Variants in PHF21A observed in about 807,000 individuals in gnomAD.
PHF21A encodes PHD finger protein 21A.
A neutral mutation model predicts 82.5 loss-of-function variants in PHF21A; 11 were observed. The ratio of observed to expected loss-of-function variants is 0.13; its 90% CI spans 0.08 to 0.22. The LOEUF (loss-of-function observed/expected upper bound fraction) is 0.22. Ranked by LOEUF, PHF21A falls within the 10% of genes least tolerant of loss-of-function variation. PHF21A has a pLI of 1.00. For synonymous variants in PHF21A, 297 were observed against 302.8 expected (o/e 0.98, Z 0.20); for missense variants, 579 against 837.8 (o/e 0.69, Z 3.81).
chr11:45,985,079 A>C (rs1337307991), intron 6 of PHF21A, among the ~76,000 whole-genome samples: 1 of 152,208 alleles, frequency 6.6e-6, no homozygotes, highest in African/African-American at 2.4e-5. Flanking sequence ...CTCAAAATGA[A>C]ACCAAGGATA....
At chr11:46,079,060 A>T in intron 5 of PHF21A, 74 bp downstream of exon 5, 1 of 868,564 alleles carries the variant, frequency 1.2e-6, no homozygotes, top group South Asian at 1.7e-5. Context: ...ATCTATATTT[A>T]AGTATTTTAT....
intron 9 of PHF21A, among the ~76,000 whole-genome samples, chr11:45,967,500 T>C (rs987626770): frequency 5.3e-5 from 8 of 152,162 alleles, no homozygotes; most frequent in Non-Finnish European, 1.0e-4. Context: ...CTTGAAGCCA[T>C]GCCTATGTAG....
intron 6 of PHF21A, among the ~76,000 whole-genome samples, chr11:46,041,902 T>C (rs1422599977): frequency 1.3e-5 from 2 of 152,144 alleles, no homozygotes; most frequent in African/African-American, 4.8e-5. Flanking sequence ...TCTTGTGTCT[T>C]ATAGTAAAGA....
At chr11:46,084,069 ATT>A (rs2096826773) in intron 4 of PHF21A, 95 bp downstream of exon 4, 1 of 895,136 alleles carries the variant, frequency 1.1e-6, no homozygotes, top group African/African-American at 1.8e-5. Flanking sequence ...TGTCTTAAAG[ATT>A]ATTAAAAACT....
At chr11:45,988,766 T>C (rs1402383340) in intron 6 of PHF21A, among the ~76,000 whole-genome samples, 1 of 151,986 alleles carries the variant, frequency 6.6e-6, no homozygotes, top group Non-Finnish European at 1.5e-5. Context: ...GGTGGCACAA[T>C]TGTAGTCCCA....
intron 6 of PHF21A, among the ~76,000 whole-genome samples, chr11:46,057,043 A>C (rs1372826566): frequency 1.3e-5 from 2 of 152,168 alleles, no homozygotes; most frequent in Non-Finnish European, 2.9e-5. Flanking sequence ...TTAAAATGTT[A>C]GCACACAAAA....
chr11:46,070,449 G>C (rs2096643817), intron 6 of PHF21A, among the ~76,000 whole-genome samples: 1 of 151,944 alleles, frequency 6.6e-6, no homozygotes, highest in Non-Finnish European at 1.5e-5. Context: ...TCCCGCCTCA[G>C]CCTCCTGAGC....
At chr11:45,969,790 T>G in intron 9 of PHF21A, 25 bp downstream of exon 9, 2 of 1,489,174 alleles carry the variant, frequency 1.3e-6, no homozygotes, top group Non-Finnish European at 1.9e-6. Flanking sequence ...TAACCTATCA[T>G]TGAGCTTGTC....
At chr11:46,080,598 C>T (rs2096779395) in intron 4 of PHF21A, among the ~76,000 whole-genome samples, 2 of 152,084 alleles carry the variant, frequency 1.3e-5, no homozygotes, top group African/African-American at 4.8e-5. Flanking sequence ...TTCTTAAATC[C>T]ACATTGTAGT....
intron 6 of PHF21A, among the ~76,000 whole-genome samples, chr11:46,051,503 C>T (rs1215414649): frequency 1.3e-5 from 2 of 152,072 alleles, no homozygotes; most frequent in Admixed American, 6.6e-5. Context: ...TCTGGGGCCT[C>T]GAGAGATAAA....
At chr11:46,010,246 C>T (rs2137334992) in intron 6 of PHF21A, among the ~76,000 whole-genome samples, 1 of 152,302 alleles carries the variant, frequency 6.6e-6, no homozygotes, top group Non-Finnish European at 1.5e-5. Flanking sequence ...GATTAAGTCA[C>T]CTGAGACCAG....
At chr11:46,079,229 G>C in intron 4 of PHF21A, 63 bp from the exon 5 acceptor site, 1 of 1,192,610 alleles carries the variant, frequency 8.4e-7, no homozygotes, top group Middle Eastern at 2.0e-4. Flanking sequence ...GGCTAATCAG[G>C]TTTGGACCAA....
intron 15 of PHF21A, among the ~76,000 whole-genome samples, chr11:45,940,700 C>T (rs1371680657): frequency 6.6e-6 from 1 of 151,980 alleles, no homozygotes; most frequent in Non-Finnish European, 1.5e-5. Flanking sequence ...AGAGGGTCAG[C>T]CTTTCTTGAA....
chr11:46,004,887 T>C (rs1351988500), intron 6 of PHF21A, among the ~76,000 whole-genome samples: 1 of 152,196 alleles, frequency 6.6e-6, no homozygotes, highest in East Asian at 1.9e-4. Flanking sequence ...TTCCCCTTCT[T>C]TATCATGGCT....
chr11:45,944,655 C>T (rs924618006), intron 15 of PHF21A, among the ~76,000 whole-genome samples: 2 of 152,354 alleles, frequency 1.3e-5, no homozygotes, highest in Admixed American at 1.3e-4. Context: ...GGGCTTTGCA[C>T]TGCTGTTCCC....
At chr11:45,985,234 T>A (rs906588117) in intron 6 of PHF21A, among the ~76,000 whole-genome samples, 2 of 152,204 alleles carry the variant, frequency 1.3e-5, no homozygotes, top group Non-Finnish European at 2.9e-5. Flanking sequence ...CCAATATTCA[T>A]CAACGCTGAG....
At chr11:46,023,367 T>C (rs957197899) in intron 6 of PHF21A, among the ~76,000 whole-genome samples, 17 of 152,206 alleles carry the variant, frequency 1.1e-4, no homozygotes, top group Middle Eastern at 3.4e-3. Context: ...GAGTAAGAAG[T>C]CATGAGCAGA....
At chr11:45,968,099 T>A (rs533047285) in intron 9 of PHF21A, among the ~76,000 whole-genome samples, 1 of 152,342 alleles carries the variant, frequency 6.6e-6, no homozygotes, top group Admixed American at 6.5e-5. Context: ...GGATACTCCA[T>A]GTAAAGTGCC....
chr11:45,982,330 T>G (rs1280784401), intron 6 of PHF21A, among the ~76,000 whole-genome samples: 5 of 152,102 alleles, frequency 3.3e-5, no homozygotes, highest in Non-Finnish European at 7.4e-5. Flanking sequence ...AGGCCAATTT[T>G]GGGGGGAAAA....
Sources: gnomAD v4.1 joint callset for allele counts (sites outside exome capture counted in the v4.1 genomes callset) on GRCh38, gnomAD v4.1.1 for gene constraint, MANE v1.5 for transcripts, NCBI Gene and HGNC (gene_info 2026-07-23, HGNC 2026-07-21) for gene names.